The following CD101 variants were observed in gnomAD, a reference collection of about 807,000 sequenced individuals.
The protein encoded by CD101 is CD101 molecule, also known as immunoglobulin superfamily member 2.
In CD101, 76 loss-of-function variants were observed where a neutral mutation model predicts 98.2. The ratio of observed to expected loss-of-function variants is 0.77; its 90% CI spans 0.64 to 0.94. The LOEUF (loss-of-function observed/expected upper bound fraction) is 0.94. Ranked by LOEUF, CD101 falls within the 40% of genes least tolerant of loss-of-function variation. The pLI is 0.00. For missense variants in CD101, 1,145 were observed against 1,218.8 expected, an observed-to-expected ratio of 0.94 and a Z score of 0.90; for synonymous variants, 471 against 472.7, an observed-to-expected ratio of 1.00 and a Z score of 0.05.
In CD101 at chr1:117,017,226, A is replaced by G. The variant is rs1335037333; in HGVS notation, c.1365A>G (p.Thr455=). Residue 455 remains threonine (T), a synonymous_variant, in exon 5 of 10, where the codon ACA becomes ACG. Transcript: ENST00000682167. ...VSWWHIPRDQ[T]QPEFVAGMGQ... ...GGTGGCACATCCCACGGGACCAGAC[A>G]CAGCCCGAGTTTGTGGCTGGCATGG... 4 of 1,613,992 alleles carry G rather than the reference A, an allele frequency of 2.5e-6. No homozygotes were observed. Among genetic ancestry groups the G allele is most frequent in the African/African-American group, 2.7e-5 (2 of 74,920 alleles).
At chr1:117,028,217 T>A (rs544216420) in intron 8 of CD101, among the ~76,000 whole-genome samples, 1 of 152,312 alleles carries the variant, frequency 6.6e-6, no homozygotes, top group East Asian at 1.9e-4. Context: ...GCTAAGGCGG[T>A]ACCCATGACG....
Position 117,036,517 on chromosome 1 carries a change from T to TAA in CD101, c.*397_*398dup, listed in dbSNP as rs72440795. ...CAGCGCTCTCCTTGCTTGTGACAAG[T>TAA]AAAAAAAAAAAAAAACTCCTTTTCA... is the stretch of plus-strand genomic sequence containing the variant. On this transcript the variant is annotated 3_prime_UTR_variant, in exon 10 of 10. Transcript: ENST00000682167. This position sits in a 1 kb window ranked among gnomAD's most constrained non-coding sequence, Gnocchi z 5.0. 12 of 138,200 alleles carry TAA rather than the reference T, an allele frequency of 8.7e-5. No homozygotes were observed. The highest frequency in any genetic ancestry group is 2.3e-4 in the South Asian group (1 of 4,258). The allele number at this position is 138,200 out of a possible 1,614,324, so 8.6% of individuals were successfully genotyped here. A position where few individuals can be genotyped will look rare whatever the true frequency, so the allele number is the denominator to read the frequency against.
chr1:117,016,925 T>C (rs1653254156), intron 4 of CD101, among the ~76,000 whole-genome samples, 165 bp from the exon 5 acceptor site: 1 of 152,208 alleles, frequency 6.6e-6, no homozygotes, highest in Non-Finnish European at 1.5e-5. Flanking sequence ...GTTTCCACTA[T>C]TTAAGGTTTG....
At chr1:117,016,974 C>T (rs1433193807) in intron 4 of CD101, 116 bp from the exon 5 acceptor site, 28 of 1,154,078 alleles carry the variant, frequency 2.4e-5, no homozygotes, top group Non-Finnish European at 8.5e-6. Context: ...GAGGAAACAG[C>T]CCAATTTGAC....
At chr1:117,008,971 A>G (rs2101115965) in intron 1 of CD101, among the ~76,000 whole-genome samples, 2 of 152,304 alleles carry the variant, frequency 1.3e-5, no homozygotes, top group East Asian at 1.9e-4. Context: ...CACAAAATGA[A>G]CTAGCCTTTA....
At chr1:117,025,475 G>A in intron 7 of CD101, 34 bp from the exon 8 acceptor site, 2 of 1,498,678 alleles carry the variant, frequency 1.3e-6, no homozygotes, top group South Asian at 1.3e-5. Context: ...CTGAAAGTCT[G>A]CATTCTCTAA....
At chr1:117,026,450 G>A (rs935601224) in intron 8 of CD101, 2 of 152,350 alleles carry the variant, frequency 1.3e-5, no homozygotes, top group African/African-American at 4.8e-5. Flanking sequence ...CCTTGAGGTG[G>A]TCCATCATTG....
At position 117,022,907 on chromosome 1, in the gene CD101, C is replaced by T. The variant is rs922810747; in HGVS notation, c.2428+924C>T. ...GCTTCCCTTCTGTATGTTCTTCAAG[C>T]CCCTTCTTCTCCCTGCTAAATGTGT... On this transcript the variant is annotated intron_variant, in intron 7 of 9. Transcript: ENST00000682167. This position sits in a 1 kb window ranked among gnomAD's most constrained non-coding sequence, Gnocchi z 4.8. Among the ~76,000 whole-genome samples, 2 of 152,282 alleles carry T rather than the reference C, an allele frequency of 1.3e-5. No individual in the cohort carries two copies. Among genetic ancestry groups the T allele is most frequent in the African/African-American group, 4.8e-5 (2 of 41,544 alleles).
chr1:117,031,163 A>C (rs1654439126), intron 8 of CD101, among the ~76,000 whole-genome samples: 1 of 152,152 alleles, frequency 6.6e-6, no homozygotes, highest in African/African-American at 2.4e-5. Flanking sequence ...CACAGGCACT[A>C]ACAGTTGCTA....
At chr1:117,014,226 TGTG>T (rs1653070163) in intron 4 of CD101, among the ~76,000 whole-genome samples, 1 of 136,926 alleles carries the variant, frequency 7.3e-6, no homozygotes, top group Non-Finnish European at 1.6e-5. Flanking sequence ...TGTGTGTGTG[TGTG>T]ATATGAATAG....
At position 117,018,520 on chromosome 1, in the gene CD101, T is replaced by C. The variant is rs756066256; in HGVS notation, c.1977T>C (p.Ser659=). ...SLYNNRPPRA[S]AISHPLRIAV... The stretch of plus-strand genomic sequence containing the variant: ...ACAACAACCGCCCCCCGAGGGCTTC[T>C]GCCATCTCTCACCCACTGAGGATAG... The change falls in exon 6 of 10, where the codon TCT becomes TCC. Residue 659 remains serine, a synonymous_variant. Transcript: ENST00000682167. This position sits in a 1 kb window ranked among gnomAD's most constrained non-coding sequence, Gnocchi z 4.3. The C allele has an allele frequency of 1.2e-6, 2 of 1,610,842 alleles. No individual in the cohort carries two copies. The highest frequency in any genetic ancestry group is 2.2e-5 in the South Asian group (2 of 90,950).
chr1:117,012,622 G>A lies in CD101; in HGVS notation c.841+656G>A, dbSNP rs1652955441. 6.6e-6 allele frequency among the ~76,000 whole-genome samples: 1 copy of A among 152,090 alleles called. No homozygotes were observed. The highest frequency in any genetic ancestry group is 1.5e-5 in the Non-Finnish European group (1 of 68,014). Reference sequence around the variant, plus strand: ...AGGATCTTGCTATGTTCCCCAGGCTGGCCTTGAACTCCGGGGCTCAAGCAA... The same window carrying A: ...AGGATCTTGCTATGTTCCCCAGGCTAGCCTTGAACTCCGGGGCTCAAGCAA... On this transcript the variant is annotated intron_variant, in intron 3 of 9. Coordinates refer to ENST00000682167, the MANE Select transcript of CD101 (RefSeq NM_001256106.3). This position sits in a 1 kb window ranked among gnomAD's most constrained non-coding sequence, Gnocchi z 4.0.
chr1:117,025,477 A>C (rs779989174), intron 7 of CD101, 32 bp from the exon 8 acceptor site: 1 of 1,500,208 alleles, frequency 6.7e-7, no homozygotes. Flanking sequence ...GAAAGTCTGC[A>C]TTCTCTAATT....
intron 3 of CD101, among the ~76,000 whole-genome samples, chr1:117,013,059 G>T (rs1378971369): frequency 6.6e-6 from 1 of 151,868 alleles, no homozygotes; most frequent in Non-Finnish European, 1.5e-5. Flanking sequence ...GCAATTTAGT[G>T]TAAAATATTT....
chr1:117,006,278 TTATCCC>T lies in CD101; in HGVS notation c.44-3568_44-3563del, dbSNP rs1293489348. 6.6e-6 allele frequency among the ~76,000 whole-genome samples: 1 copy of T among 152,194 alleles called. No individual in the cohort carries two copies. The highest frequency in any genetic ancestry group is 1.5e-5 in the Non-Finnish European group (1 of 68,040). On this transcript the variant is annotated intron_variant, in intron 1 of 9. Coordinates refer to ENST00000682167, the MANE Select transcript of CD101 (RefSeq NM_001256106.3). The surrounding 1 kb of genome is among the most constrained non-coding windows in gnomAD (Gnocchi z 4.4). Reference sequence around the variant, plus strand: ...TAGCTCAGTTATAGTACCTTTACTTTTATCCCTATTGCTTTTGTCACCTCTGTCCTG... The same window carrying T: ...TAGCTCAGTTATAGTACCTTTACTTTTATTGCTTTTGTCACCTCTGTCCTG...
In CD101 at chr1:117,022,723, C is replaced by T. The variant is rs1352222216; in HGVS notation, c.2428+740C>T. ...GCTTGAAATACTATTTTCAAGGTAA[C>T]GCTAAAAAAAAATTAGATGATAATT... On this transcript the variant is annotated intron_variant, in intron 7 of 9. Transcript: ENST00000682167. This position sits in a 1 kb window ranked among gnomAD's most constrained non-coding sequence, Gnocchi z 4.8. Among the ~76,000 whole-genome samples the T allele has an allele frequency of 2.0e-5, 3 of 151,926 alleles. No homozygotes were observed. Among genetic ancestry groups the T allele is most frequent in the East Asian group, 1.9e-4 (1 of 5,184 alleles).
At chr1:117,029,122 C>A (rs1205405616) in intron 8 of CD101, among the ~76,000 whole-genome samples, 4 of 83,414 alleles carry the variant, frequency 4.8e-5, no homozygotes, top group Non-Finnish European at 8.2e-5. Flanking sequence ...AACTGACAGT[C>A]CAACATCAGA....
chr1:117,033,414 G>A lies in CD101; in HGVS notation c.2825-446G>A, dbSNP rs996160668. 1.8e-4 allele frequency among the ~76,000 whole-genome samples: 27 copies of A among 152,274 alleles called. No homozygotes were observed. The South Asian group carries it at 2.1e-3, about 12-fold the overall frequency. On this transcript the variant is annotated intron_variant, in intron 8 of 9. Transcript: ENST00000682167. This position sits in a 1 kb window ranked among gnomAD's most constrained non-coding sequence, Gnocchi z 4.8. ...GTGCAGAGTGCAGGGCAGAGTGTGTGTGTATGTGTGTGTGAGAAAGAGTGT... is the reference window on the plus strand; with the variant it reads ...GTGCAGAGTGCAGGGCAGAGTGTGTATGTATGTGTGTGTGAGAAAGAGTGT...
intron 8 of CD101, among the ~76,000 whole-genome samples, chr1:117,031,051 T>A (rs7542678): frequency 0.092 from 14,026 of 152,282 alleles, 764 homozygotes; most frequent in African/African-American, 0.13. Flanking sequence ...GGTTTGAATG[T>A]CACTAATTCT....
Sources: allele counts gnomAD v4.1 joint callset (sites outside exome capture counted in the v4.1 genomes callset), GRCh38; gene constraint gnomAD v4.1.1; non-coding constraint Gnocchi (gnomAD v3.1); transcripts MANE v1.5; gene names NCBI Gene and HGNC (gene_info 2026-07-23, HGNC 2026-07-21).